STRN3: variants seen among roughly 807,000 people sequenced by gnomAD.
STRN3 encodes the protein striatin-3.
A neutral mutation model predicts 95.6 loss-of-function variants in STRN3; 29 were observed. The ratio of observed to expected loss-of-function variants is 0.30; its 90% CI spans 0.23 to 0.41. The LOEUF (loss-of-function observed/expected upper bound fraction) is 0.41. Among genes scored for constraint, STRN3 ranks in the 10% least tolerant of loss-of-function variants. STRN3 has a pLI of 1.00. For synonymous variants in STRN3, 331 were observed against 357.6 expected (o/e 0.93, Z 0.84); for missense variants, 890 against 972.1 (o/e 0.92, Z 1.12).
intron 1 of STRN3, among the ~76,000 whole-genome samples, chr14:30,968,358 T>C (rs1880641930): frequency 6.9e-6 from 1 of 145,348 alleles, no homozygotes; most frequent in Non-Finnish European, 1.5e-5. Flanking sequence ...TGGTAAATTC[T>C]TGTCCTAAAA....
At chr14:30,995,156 G>A (rs141325376) in intron 1 of STRN3, among the ~76,000 whole-genome samples, 17 of 152,264 alleles carry the variant, frequency 1.1e-4, no homozygotes, top group African/African-American at 2.9e-4. Context: ...TCAGGAAAAC[G>A]TTTCCAAAGC....
chr14:31,014,100 T>C (rs1372066182), intron 1 of STRN3, among the ~76,000 whole-genome samples: 1 of 151,936 alleles, frequency 6.6e-6, no homozygotes, highest in Non-Finnish European at 1.5e-5. Context: ...AGACAGGGTA[T>C]CACTTTGTTG....
Position 30,895,676 on chromosome 14 carries a change from T to C in STRN3, c.2210A>G (p.Tyr737Cys), listed in dbSNP as rs1896124673. 6.2e-7 allele frequency: 1 copy of C among 1,613,676 alleles called. No homozygotes were observed. Among genetic ancestry groups the C allele is most frequent in the Non-Finnish European group, 8.5e-7 (1 of 1,179,928 alleles). ...TTAAGACTTACTTCCAGACATCAAATAGATTCCATTAGGATCTACTGCTAG... is the reference window on the plus strand; with the variant it reads ...TTAAGACTTACTTCCAGACATCAAACAGATTCCATTAGGATCTACTGCTAG... ...TSLAVDPNGI[Y>C]LMSGSHDCSI... is the part of the protein sequence containing the mutation. The change falls in exon 17 of 18, where the codon TAT (tyrosine) becomes TGT (cysteine). Residue 737 changes from tyrosine to cysteine, a missense_variant. This residue lies in a region of STRN3 where 357 missense variants were observed against 422.8 expected (regional missense o/e 0.84). Coordinates refer to ENST00000357479, the MANE Select transcript of STRN3 (RefSeq NM_001083893.2).
intron 1 of STRN3, among the ~76,000 whole-genome samples, chr14:30,958,471 G>A (rs17097617): frequency 0.09 from 13,725 of 152,214 alleles, 902 homozygotes; most frequent in South Asian, 0.29. Flanking sequence ...ATCAAGCTGT[G>A]GAGCAAAGGG....
At chr14:30,998,768 G>A (rs112928647) in intron 1 of STRN3, among the ~76,000 whole-genome samples, 3 of 152,234 alleles carry the variant, frequency 2.0e-5, no homozygotes, top group African/African-American at 7.2e-5. Context: ...TAACCCTGGG[G>A]GGTGGGTGAA....
At chr14:31,007,108 T>G (rs933106234) in intron 1 of STRN3, among the ~76,000 whole-genome samples, 1 of 152,206 alleles carries the variant, frequency 6.6e-6, no homozygotes, top group African/African-American at 2.4e-5. Flanking sequence ...CTATCCAACT[T>G]TTCTCAAGAA....
intron 1 of STRN3, among the ~76,000 whole-genome samples, chr14:31,019,362 A>G (rs141637660): frequency 2.6e-5 from 4 of 152,302 alleles, no homozygotes; most frequent in Non-Finnish European, 5.9e-5. Flanking sequence ...CAATGAATGG[A>G]TAGAAGTACA....
rs1054011125 is a variant in STRN3, at chr14:30,896,559, G to A, written c.2138-811C>T. The stretch of plus-strand genomic sequence containing the variant: ...GGAAGGAAAGAGAAAAGAGAAGAAA[G>A]AAAAGAAAGGGAAGGGGAGGGGAGG... On this transcript the variant is annotated intron_variant, in intron 16 of 17. Coordinates refer to ENST00000357479, the MANE Select transcript of STRN3 (RefSeq NM_001083893.2). Among the ~76,000 whole-genome samples the A allele has an allele frequency of 2.9e-3, 340 of 118,456 alleles. 2 individuals are homozygous for A. Among genetic ancestry groups the A allele is most frequent in the Non-Finnish European group, 3.9e-3 (229 of 58,922 alleles). The allele number at this position is 118,456 out of a possible 152,430, so 77.7% of individuals were successfully genotyped here. A position where few individuals can be genotyped will look rare whatever the true frequency, so the allele number is the denominator to read the frequency against.
At chr14:31,023,028 T>C (rs529925912) in intron 1 of STRN3, among the ~76,000 whole-genome samples, 1 of 152,226 alleles carries the variant, frequency 6.6e-6, no homozygotes. Flanking sequence ...TGGTCTGGAA[T>C]AGTAATTTGC....
intron 1 of STRN3, among the ~76,000 whole-genome samples, chr14:30,994,990 G>A (rs1882132160): frequency 6.6e-6 from 1 of 152,230 alleles, no homozygotes; most frequent in Non-Finnish European, 1.5e-5. Context: ...TCAAGTGACA[G>A]TTATGAGTCA....
At position 30,894,924 on chromosome 14, in the gene STRN3, T is replaced by C; in HGVS notation, c.*487A>G. The C allele has an allele frequency of 9.0e-7, 1 of 1,114,694 alleles. No homozygotes were observed. The highest frequency in any genetic ancestry group is 1.1e-6 in the Non-Finnish European group (1 of 878,626). 69.1% of individuals were successfully genotyped at this position (1,114,694 alleles called of 1,614,324 possible). On this transcript the variant is annotated 3_prime_UTR_variant, in exon 18 of 18. Coordinates refer to ENST00000357479, the MANE Select transcript of STRN3 (RefSeq NM_001083893.2). The stretch of plus-strand genomic sequence containing the variant: ...TTTTTTTTTTAAAGCAAAATAAGTT[T>C]AAAAGGGAATCTGTGGCATTCAACC...
Position 30,918,960 on chromosome 14 carries a change from T to C in STRN3, c.1240+6A>G. ...TGTAAATAAACATGGTAGCTAAATT[T>C]TGTACCTTCCTCTGCTCTTGCACCT... On this transcript the variant is annotated splice_donor_region_variant and intron_variant, in intron 9 of 17. Transcript: ENST00000357479. 1 of 1,562,836 alleles carries C rather than the reference T, an allele frequency of 6.4e-7. No homozygotes were observed. The highest frequency in any genetic ancestry group is 8.7e-7 in the Non-Finnish European group (1 of 1,152,730).
chr14:30,901,176 C>G (rs1280955610), intron 16 of STRN3, among the ~76,000 whole-genome samples: 1 of 151,866 alleles, frequency 6.6e-6, no homozygotes, highest in Non-Finnish European at 1.5e-5. Context: ...AGCAGTGGCT[C>G]ATGCCTGTAA....
chr14:30,899,305 C>G (rs973528601), intron 16 of STRN3, among the ~76,000 whole-genome samples: 1 of 152,184 alleles, frequency 6.6e-6, no homozygotes, highest in Non-Finnish European at 1.5e-5. Context: ...AAATTTGTAA[C>G]TCTACCAAAA....
intron 16 of STRN3, among the ~76,000 whole-genome samples, chr14:30,900,418 A>T (rs1208340861): frequency 8.9e-6 from 1 of 112,534 alleles, no homozygotes; most frequent in Non-Finnish European, 1.7e-5. Flanking sequence ...TCATAGTTTC[A>T]TGTAACTCAA....
intron 5 of STRN3, among the ~76,000 whole-genome samples, chr14:30,939,697 C>G (rs1282074832): frequency 6.6e-6 from 1 of 152,028 alleles, no homozygotes; most frequent in South Asian, 2.1e-4. Flanking sequence ...GTCCCCTGCC[C>G]CATCCTTCTC....
intron 5 of STRN3, among the ~76,000 whole-genome samples, chr14:30,940,540 A>C (rs1490011723): frequency 1.3e-5 from 2 of 152,170 alleles, no homozygotes; most frequent in East Asian, 1.9e-4. Flanking sequence ...CCTGATTCCT[A>C]GTCTTTTCAA....
intron 1 of STRN3, among the ~76,000 whole-genome samples, chr14:31,015,220 T>C (rs779176077): frequency 6.6e-6 from 1 of 152,224 alleles, no homozygotes; most frequent in Non-Finnish European, 1.5e-5. Flanking sequence ...TGCTTCAGAA[T>C]TTGACACAAA....
In STRN3 at chr14:30,936,404, A is replaced by C; in HGVS notation, c.846+91T>G. ...CCAATATGTAAAGTAAAGATGATCAATCACTCCCAATGTAACTTAAGATAT... is the reference window on the plus strand; with the variant it reads ...CCAATATGTAAAGTAAAGATGATCACTCACTCCCAATGTAACTTAAGATAT... On this transcript the variant is annotated intron_variant, in intron 6 of 17. Transcript: ENST00000357479. 3 of 1,395,234 alleles carry C rather than the reference A, an allele frequency of 2.2e-6. No individual in the cohort carries two copies. In the South Asian group the frequency reaches 4.3e-5, roughly 20 times the overall value. The allele number at this position is 1,395,234 out of a possible 1,614,324, so 86.4% of individuals were successfully genotyped here.
Sources: gnomAD v4.1 joint callset for allele counts (sites outside exome capture counted in the v4.1 genomes callset) on GRCh38, gnomAD v4.1.1 for gene constraint, gnomAD v4.1.1 regional missense constraint, MANE v1.5 for transcripts, NCBI Gene and HGNC (gene_info 2026-07-23, HGNC 2026-07-21) for gene names.